Variants in LRP1B observed in about 807,000 individuals in gnomAD.
LRP1B encodes low-density lipoprotein receptor-related protein 1B.
Under a neutral mutation model 556.6 loss-of-function variants are expected in LRP1B, and 217 were observed. That is an observed-to-expected ratio of 0.39 (90% CI 0.35 to 0.44). The LOEUF is 0.44. Among genes scored for constraint, LRP1B ranks in the 20% least tolerant of loss-of-function variants. The probability of loss-of-function intolerance (pLI) is 1.00; values close to 1 mark genes in which losing one functional copy is unlikely to be tolerated. For synonymous variants in LRP1B, 2,047 were observed against 1,865.8 expected, an observed-to-expected ratio of 1.10 and a Z score of -2.50; for missense variants, 5,053 against 5,620.8, an observed-to-expected ratio of 0.90 and a Z score of 3.23.
chr2:140,437,134 G>GT (rs764722275), intron 66 of LRP1B, among the ~76,000 whole-genome samples: 54 of 152,118 alleles, frequency 3.5e-4, no homozygotes, highest in Non-Finnish European at 7.2e-4. Context: ...GAAACCCACA[G>GT]TGCGTGAGTG....
intron 32 of LRP1B, among the ~76,000 whole-genome samples, chr2:140,804,621 G>T (rs960810370): frequency 7.4e-6 from 1 of 135,826 alleles, no homozygotes; most frequent in Admixed American, 7.6e-5. Context: ...AGCTGAAAAA[G>T]CTTAAGAGTT....
chr2:141,543,857 A>G (rs1173337716), intron 2 of LRP1B, among the ~76,000 whole-genome samples: 1 of 152,158 alleles, frequency 6.6e-6, no homozygotes, highest in East Asian at 1.9e-4. Flanking sequence ...GAGGAAGTCC[A>G]TGGTGCAAGG....
intron 60 of LRP1B, among the ~76,000 whole-genome samples, chr2:140,458,153 G>A (rs958229151): frequency 2.6e-5 from 4 of 152,044 alleles, no homozygotes; most frequent in African/African-American, 9.7e-5. Context: ...TGGAAATAAA[G>A]TGGTTATGAA....
At chr2:142,130,555 G>A in intron 1 of LRP1B, 93 bp downstream of exon 1, 1 of 1,068,152 alleles carries the variant, frequency 9.4e-7, no homozygotes, top group South Asian at 1.6e-5. Flanking sequence ...GGAGCTGCAA[G>A]GACTTAAGTT....
chr2:140,959,436 T>C (rs989466171), intron 18 of LRP1B, among the ~76,000 whole-genome samples: 1 of 151,652 alleles, frequency 6.6e-6, no homozygotes, highest in Non-Finnish European at 1.5e-5. Context: ...AATAAACTCA[T>C]ATCTAACAAT....
intron 2 of LRP1B, among the ~76,000 whole-genome samples, chr2:141,501,469 A>G (rs1242621863): frequency 6.6e-6 from 1 of 152,174 alleles, no homozygotes; most frequent in Non-Finnish European, 1.5e-5. Context: ...TCCAGTGTCC[A>G]ATCAAGAAGT....
chr2:141,099,819 T>G (rs1700414697), intron 7 of LRP1B, among the ~76,000 whole-genome samples: 1 of 152,210 alleles, frequency 6.6e-6, no homozygotes, highest in African/African-American at 2.4e-5. Context: ...TCCACCCATA[T>G]TTTTGAGTTT....
intron 34 of LRP1B, 25 bp downstream of exon 34, chr2:140,770,856 G>T: frequency 6.6e-7 from 1 of 1,523,982 alleles, no homozygotes; most frequent in South Asian, 1.3e-5. Flanking sequence ...ATGAACCAGA[G>T]GTAAGGTTTT....
chr2:141,883,600 T>G (rs892260875), intron 1 of LRP1B, among the ~76,000 whole-genome samples: 13 of 152,156 alleles, frequency 8.5e-5, no homozygotes, highest in African/African-American at 3.1e-4. Context: ...GGCTCATCCC[T>G]GTAGCCTCAG....
intron 1 of LRP1B, among the ~76,000 whole-genome samples, chr2:142,107,946 G>A (rs1438271289): frequency 2.7e-5 from 4 of 149,880 alleles, no homozygotes; most frequent in Non-Finnish European, 4.5e-5. Context: ...ATGCCCAGTG[G>A]ATTCAATGAA....
chr2:141,966,837 A>T (rs1172783101), intron 1 of LRP1B, among the ~76,000 whole-genome samples: 2 of 151,886 alleles, frequency 1.3e-5, no homozygotes, highest in African/African-American at 2.4e-5. Context: ...CTCGCTGGAT[A>T]CATTCAATTT....
rs9808194 is a variant in LRP1B at position 142,017,779 on chromosome 2, G to A, written c.82+112869C>T. On this transcript the variant is annotated intron_variant, in intron 1 of 90. Coordinates refer to ENST00000389484, the MANE Select transcript of LRP1B (RefSeq NM_018557.3). ...GCACGTGCCTATGGTTCCACCAGGA[G>A]GCCAAGGCAGGAAGATTGCTTGAAC... 9.0e-3 allele frequency among the ~76,000 whole-genome samples: 1,363 copies of A among 152,146 alleles called. 21 individuals carry two copies. The highest frequency in any genetic ancestry group is 0.031 in the African/African-American group (1,294 of 41,500).
chr2:140,936,354 A>AG (rs1695207540), intron 20 of LRP1B, among the ~76,000 whole-genome samples: 2 of 138,702 alleles, frequency 1.4e-5, no homozygotes, highest in South Asian at 2.2e-4. Flanking sequence ...AAAAAAAAAA[A>AG]AAAAAAAAGA....
chr2:141,500,441 G>T (rs966881117), intron 2 of LRP1B, among the ~76,000 whole-genome samples: 1 of 152,086 alleles, frequency 6.6e-6, no homozygotes, highest in Non-Finnish European at 1.5e-5. Context: ...CGGTTACTAA[G>T]CTAAAGAGCG....
At chr2:141,463,862 T>C (rs1559084254) in intron 3 of LRP1B, among the ~76,000 whole-genome samples, 1 of 131,702 alleles carries the variant, frequency 7.6e-6, no homozygotes, top group African/African-American at 2.6e-5. Context: ...AATATATAAT[T>C]ATATATAATA....
intron 1 of LRP1B, among the ~76,000 whole-genome samples, chr2:142,030,583 A>C (rs1703658541): frequency 1.3e-5 from 2 of 151,976 alleles, no homozygotes. Flanking sequence ...TACCAGTATA[A>C]GCTTTACCTG....
intron 1 of LRP1B, among the ~76,000 whole-genome samples, chr2:141,897,150 C>A (rs560076590): frequency 8.6e-5 from 13 of 151,814 alleles, no homozygotes; most frequent in Non-Finnish European, 1.8e-4. Flanking sequence ...GAGTTTAGGT[C>A]AGAAAAAGTC....
chr2:140,323,879 T>C lies in LRP1B; in HGVS notation c.12514+14A>G. ...TTTACCAATATAGACAACTTCATAATATATTATACTTACAATCTAGTTGTT... is the reference window on the plus strand; with the variant it reads ...TTTACCAATATAGACAACTTCATAACATATTATACTTACAATCTAGTTGTT... On this transcript the variant is annotated intron_variant, in intron 81 of 90. Transcript: ENST00000389484. The C allele has an allele frequency of 2.3e-6, 3 of 1,292,448 alleles. No individual in the cohort carries two copies. Among genetic ancestry groups the C allele is most frequent in the Non-Finnish European group, 3.3e-6 (3 of 907,772 alleles). 80.1% of individuals were successfully genotyped at this position (1,292,448 alleles called of 1,614,324 possible).
intron 7 of LRP1B, among the ~76,000 whole-genome samples, chr2:141,175,870 G>A (rs1256114460): frequency 6.6e-6 from 1 of 152,134 alleles, no homozygotes; most frequent in African/African-American, 2.4e-5. Flanking sequence ...CAAGGGCAGA[G>A]CTGCCCAAGG....
Sources: gnomAD v4.1 joint callset for allele counts (sites outside exome capture counted in the v4.1 genomes callset) on GRCh38, gnomAD v4.1.1 for gene constraint, MANE v1.5 for transcripts, NCBI Gene and HGNC (gene_info 2026-07-23, HGNC 2026-07-21) for gene names.